The following RNF150 variants were observed in gnomAD, a reference collection of about 807,000 sequenced individuals.
RNF150 encodes ring finger protein 150.
In RNF150, 24 loss-of-function variants were observed where a neutral mutation model predicts 39.3. The observed-to-expected ratio is 0.61, with a 90% confidence interval of 0.44 to 0.86. RNF150 has a LOEUF of 0.86. Among genes scored for constraint, RNF150 ranks in the 40% least tolerant of loss-of-function variants. RNF150 has a pLI of 0.00. For missense variants in RNF150, 502 were observed against 587.8 expected (o/e 0.85, Z 1.51); for synonymous variants, 255 against 227.3 (o/e 1.12, Z -1.10).
chr4:141,000,384 C>T (rs1471914839), intron 1 of RNF150, among the ~76,000 whole-genome samples: 4 of 152,070 alleles, frequency 2.6e-5, no homozygotes, highest in Non-Finnish European at 5.9e-5. Flanking sequence ...AAGGAAAATT[C>T]CTCAGTAAAG....
chr4:141,095,607 T>C (rs1429166948), intron 1 of RNF150, among the ~76,000 whole-genome samples: 2 of 152,254 alleles, frequency 1.3e-5, no homozygotes, highest in Non-Finnish European at 2.9e-5. Flanking sequence ...TTTGGTTGCA[T>C]ACAATTTGCA....
intron 1 of RNF150, among the ~76,000 whole-genome samples, chr4:141,008,037 C>T (rs1734936391): frequency 6.6e-6 from 1 of 152,154 alleles, no homozygotes; most frequent in African/African-American, 2.4e-5. Context: ...TCCAGCAGTG[C>T]TCAGCAATCC....
At position 141,155,116 on chromosome 4, in the gene RNF150, T is replaced by C. The variant is rs542301894; in HGVS notation, c.-6+57678A>G. Among the ~76,000 whole-genome samples, 282 of 152,256 alleles carry C rather than the reference T, an allele frequency of 1.9e-3. 1 individual carries two copies. The highest frequency in any genetic ancestry group is 2.5e-3 in the Non-Finnish European group (168 of 68,022). On this transcript the variant is annotated intron_variant, in intron 1 of 7. Transcript: ENST00000420921. The stretch of plus-strand genomic sequence containing the variant: ...TTTATTTTATTTTGAGACAGAGTCA[T>C]GCCCTGTCACCCAGACTGGAGTGCA...
intron 1 of RNF150, among the ~76,000 whole-genome samples, chr4:141,041,738 T>C (rs1297452301): frequency 6.6e-6 from 1 of 152,064 alleles, no homozygotes; most frequent in Non-Finnish European, 1.5e-5. Context: ...TCAAATACAA[T>C]GTAAGAAAAT....
chr4:141,211,438 GTAGA>G, intron 1 of RNF150, among the ~76,000 whole-genome samples: 1 of 152,144 alleles, frequency 6.6e-6, no homozygotes, highest in Non-Finnish European at 1.5e-5. Context: ...TTATCTGATA[GTAGA>G]TATTTTTCAT....
intron 1 of RNF150, among the ~76,000 whole-genome samples, chr4:141,031,645 T>C (rs189720104): frequency 2.6e-5 from 4 of 152,154 alleles, no homozygotes; most frequent in African/African-American, 9.6e-5. Context: ...AACATGTATA[T>C]AAAAATGCTC....
chr4:141,116,240 C>G (rs1739546233), intron 1 of RNF150, among the ~76,000 whole-genome samples: 1 of 152,016 alleles, frequency 6.6e-6, no homozygotes, highest in Admixed American at 6.6e-5. Context: ...TGCAATCTAT[C>G]CATATGACAA....
Position 141,206,722 on chromosome 4 carries a change from G to A in RNF150, c.-6+6072C>T, listed in dbSNP as rs142344920. ...GAGGGACAGAACCAATAGGATATAT[G>A]TATATATGAAAGTGAGTTTATTTGG... On this transcript the variant is annotated intron_variant, in intron 1 of 7. Coordinates refer to the RNF150 transcript ENST00000420921. 1.7e-3 allele frequency among the ~76,000 whole-genome samples: 259 copies of A among 152,118 alleles called. 3 individuals carry two copies. The highest frequency in any genetic ancestry group is 6.1e-3 in the African/African-American group (253 of 41,460).
intron 1 of RNF150, among the ~76,000 whole-genome samples, chr4:141,079,670 A>G (rs1738075434): frequency 6.6e-6 from 1 of 152,270 alleles, no homozygotes; most frequent in Admixed American, 6.5e-5. Flanking sequence ...GAGGGAGGTC[A>G]GACAGACCTG....
intron 1 of RNF150, among the ~76,000 whole-genome samples, chr4:141,073,832 A>G (rs1226191730): frequency 6.6e-6 from 1 of 152,150 alleles, no homozygotes; most frequent in African/African-American, 2.4e-5. Flanking sequence ...AACGCAAGGG[A>G]TAAAGATAAC....
chr4:141,127,061 C>T (rs1726771541), intron 1 of RNF150, among the ~76,000 whole-genome samples: 1 of 152,130 alleles, frequency 6.6e-6, no homozygotes, highest in Admixed American at 6.5e-5. Flanking sequence ...TCACATCTAG[C>T]CTTCAGAATA....
At chr4:141,160,663 T>C (rs1053232078) in intron 1 of RNF150, among the ~76,000 whole-genome samples, 2 of 152,210 alleles carry the variant, frequency 1.3e-5, no homozygotes, top group Non-Finnish European at 2.9e-5. Context: ...CACCGTCCCC[T>C]CTTTGGTACT....
Position 140,860,905 on chromosome 4 carries a change from A to G in RNF150, c.*7356T>C, listed in dbSNP as rs1489023303. The stretch of plus-strand genomic sequence containing the variant: ...AGAGTTTCCCCTGGAAACCAGAATA[A>G]TCATCCTCCCAGCTCATGAACATTT... On this transcript the variant is annotated 3_prime_UTR_variant, in exon 7 of 7. Transcript: ENST00000515673. 6.6e-6 allele frequency: 1 copy of G among 152,122 alleles called. No individual in the cohort carries two copies. The highest frequency in any genetic ancestry group is 1.5e-5 in the Non-Finnish European group (1 of 68,034). 9.4% of individuals were successfully genotyped at this position (152,122 alleles called of 1,614,324 possible).
intron 1 of RNF150, among the ~76,000 whole-genome samples, chr4:141,189,509 C>T (rs1477465509): frequency 1.3e-5 from 2 of 152,164 alleles, no homozygotes; most frequent in Non-Finnish European, 2.9e-5. Flanking sequence ...GCTGCCCCTT[C>T]CCCCAGGAGC....
At position 141,143,055 on chromosome 4, in the gene RNF150, A is replaced by T. The variant is rs187106575; in HGVS notation, c.-6+69739T>A. 1.1e-3 allele frequency among the ~76,000 whole-genome samples: 160 copies of T among 152,022 alleles called. 1 individual carries two copies. The Middle Eastern group carries it at 0.017, about 16-fold the overall frequency. ...CAGATAATTTTTTGTATTTTAGTAG[A>T]TACGGGGTTTCACCGTGTTGCCCAG... On this transcript the variant is annotated intron_variant, in intron 1 of 7. Coordinates refer to the RNF150 transcript ENST00000420921.
chr4:140,919,966 G>A (rs1731036672), intron 5 of RNF150, among the ~76,000 whole-genome samples: 1 of 152,094 alleles, frequency 6.6e-6, no homozygotes, highest in South Asian at 2.1e-4. Flanking sequence ...AATGGTGCTG[G>A]GAAAACTGGC....
At chr4:141,079,898 G>A (rs888530512) in intron 1 of RNF150, among the ~76,000 whole-genome samples, 1 of 152,164 alleles carries the variant, frequency 6.6e-6, no homozygotes, top group African/African-American at 2.4e-5. Context: ...TCTCTTATAA[G>A]TAAATGGCAG....
intron 1 of RNF150, among the ~76,000 whole-genome samples, chr4:141,195,662 G>A (rs1042191468): frequency 1.3e-5 from 2 of 152,250 alleles, no homozygotes; most frequent in Non-Finnish European, 2.9e-5. Context: ...TTGGTAGAAA[G>A]GTTAAGTCAA....
chr4:141,134,221 C>G (rs1406740964), upstream of RNF150, among the ~76,000 whole-genome samples: 2 of 152,164 alleles, frequency 1.3e-5, no homozygotes, highest in African/African-American at 2.4e-5. Context: ...GTGCGCTCTC[C>G]AACTGTGCAT....
Sources: gnomAD v4.1 joint callset for allele counts (sites outside exome capture counted in the v4.1 genomes callset) on GRCh38, gnomAD v4.1.1 for gene constraint, MANE v1.5 for transcripts, NCBI Gene and HGNC (gene_info 2026-07-23, HGNC 2026-07-21) for gene names.